SWT1: variants seen among roughly 807,000 people sequenced by gnomAD.
SWT1 encodes the protein transcriptional protein SWT1.
SWT1 carries 33 observed loss-of-function variants against 107.3 expected under a neutral mutation model. The ratio of observed to expected loss-of-function variants is 0.31; its 90% CI spans 0.23 to 0.41. The LOEUF (loss-of-function observed/expected upper bound fraction) is 0.41. SWT1 is among the 10% of genes least tolerant of loss of function. The pLI, the probability that SWT1 is intolerant of heterozygous loss-of-function variation, is 1.00. For missense variants in SWT1, 898 were observed against 1,028.9 expected (o/e 0.87, Z 1.74); for synonymous variants, 345 against 348.3 (o/e 0.99, Z 0.11).
chr1:185,230,931 T>G (rs373467493), intron 15 of SWT1, among the ~76,000 whole-genome samples: 1 of 152,112 alleles, frequency 6.6e-6, no homozygotes, highest in Non-Finnish European at 1.5e-5. Context: ...ATTTTTTTTC[T>G]AGAGACAAGG....
intron 15 of SWT1, chr1:185,227,527 C>A (rs181054111): frequency 4.7e-5 from 25 of 535,002 alleles, no homozygotes; most frequent in African/African-American, 3.8e-4. Context: ...AATGATATCT[C>A]TGTTTGTTAC....
intron 16 of SWT1, among the ~76,000 whole-genome samples, chr1:185,268,781 T>C (rs545392190): frequency 7.2e-5 from 11 of 152,178 alleles, no homozygotes; most frequent in Non-Finnish European, 1.6e-4. Context: ...GTTCAGATTA[T>C]TTCTAAAGCC....
intron 16 of SWT1, among the ~76,000 whole-genome samples, chr1:185,241,964 GTCTCT>G (rs900026592): frequency 1.2e-4 from 18 of 152,084 alleles, no homozygotes; most frequent in Non-Finnish European, 5.9e-5. Flanking sequence ...TCACCCAAAT[GTCTCT>G]TCGGGTTACA....
intron 18 of SWT1, among the ~76,000 whole-genome samples, chr1:185,284,128 T>C (rs1398226505): frequency 6.6e-6 from 1 of 152,212 alleles, no homozygotes; most frequent in Non-Finnish European, 1.5e-5. Context: ...TTTTTTGGTT[T>C]TGGTTAGTTA....
In SWT1 at chr1:185,290,686, C is replaced by G. The variant is rs776093566; in HGVS notation, c.2586C>G (p.Thr862=). The G allele has an allele frequency of 7.6e-6, 12 of 1,572,136 alleles. No homozygotes were observed. The South Asian group carries it at 1.4e-4, about 19-fold the overall frequency. The change falls in exon 19 of 19, where the codon ACC becomes ACG. Residue 862 remains threonine (T), a synonymous_variant. Transcript: ENST00000367500. The part of the protein sequence containing the change: ...VSQTEYREKL[T]IGCRQLVEME... The stretch of plus-strand genomic sequence containing the variant: ...CTTTTTCTCCTAGGGAAAAGTTAAC[C>G]ATTGGATGCCGCCAGCTGGTTGAGA...
intron 13 of SWT1, among the ~76,000 whole-genome samples, chr1:185,211,708 A>G (rs1051979648): frequency 2.6e-5 from 4 of 152,230 alleles, no homozygotes; most frequent in African/African-American, 4.8e-5. Flanking sequence ...ATTACTGGGT[A>G]TATAACCAAA....
chr1:185,239,403 C>G (rs1661107765), intron 16 of SWT1, among the ~76,000 whole-genome samples: 1 of 152,104 alleles, frequency 6.6e-6, no homozygotes, highest in South Asian at 2.1e-4. Flanking sequence ...TAAGAAAACT[C>G]TAAACATGAT....
At chr1:185,257,785 C>T (rs150346575) in intron 16 of SWT1, 7,416 of 152,530 alleles carry the variant, frequency 0.049, 590 homozygotes, top group African/African-American at 0.17. Context: ...TGTTCCTATT[C>T]GGCCATCTTG....
chr1:185,291,766 G>A lies in SWT1; in HGVS notation c.*963G>A, dbSNP rs1486325130. The A allele has an allele frequency of 6.6e-6, 1 of 152,454 alleles. No homozygotes were observed. The highest frequency in any genetic ancestry group is 1.5e-5 in the Non-Finnish European group (1 of 68,012). The allele number at this position is 152,454 out of a possible 1,614,324, so 9.4% of individuals were successfully genotyped here. A position where few individuals can be genotyped will look rare whatever the true frequency, so the allele number is the denominator to read the frequency against. ...ATAAAAGTGACTGTCTGCAATAAAA[G>A]AGAACTTGTTCAGGATATTCACTAG... On this transcript the variant is annotated 3_prime_UTR_variant, in exon 19 of 19. Transcript: ENST00000367500.
At chr1:185,163,154 G>A (rs1006290333) in intron 2 of SWT1, among the ~76,000 whole-genome samples, 1 of 152,086 alleles carries the variant, frequency 6.6e-6, no homozygotes, top group African/African-American at 2.4e-5. Context: ...AATGAAGTTT[G>A]CCACATTGAC....
At chr1:185,280,994 A>G in intron 18 of SWT1, 2 of 390,242 alleles carry the variant, frequency 5.1e-6, no homozygotes, top group South Asian at 4.4e-5. Flanking sequence ...TGATATGTCC[A>G]AGAGTTTTCA....
intron 16 of SWT1, among the ~76,000 whole-genome samples, chr1:185,244,711 T>C (rs1401775505): frequency 6.6e-6 from 1 of 152,232 alleles, no homozygotes; most frequent in Non-Finnish European, 1.5e-5. Flanking sequence ...AACCTTAGGT[T>C]GTTATAACTT....
At chr1:185,266,280 G>T (rs562215151) in intron 16 of SWT1, among the ~76,000 whole-genome samples, 52 of 152,264 alleles carry the variant, frequency 3.4e-4, no homozygotes, top group Non-Finnish European at 6.0e-4. Flanking sequence ...TAGCCAGGAT[G>T]GTCTCGATCT....
chr1:185,264,831 A>G (rs1663260877), intron 16 of SWT1, among the ~76,000 whole-genome samples: 1 of 152,150 alleles, frequency 6.6e-6, no homozygotes, highest in Non-Finnish European at 1.5e-5. Flanking sequence ...TATGGTGTAG[A>G]TTGTGTTTTA....
In SWT1 at chr1:185,242,514, A is replaced by G. The variant is rs182042601; in HGVS notation, c.2441+10806A>G. ...TTTAAGGTAACCTCCGCTGATACTT[A>G]TATCAGCGGAGAAATGCCGCAGTTA... On this transcript the variant is annotated intron_variant, in intron 16 of 18. Transcript: ENST00000367500. Among the ~76,000 whole-genome samples, 14 of 152,254 alleles carry G rather than the reference A, an allele frequency of 9.2e-5. 1 individual carries two copies. The highest frequency in any genetic ancestry group is 3.4e-4 in the African/African-American group (14 of 41,556).
intron 15 of SWT1, chr1:185,226,932 G>T: frequency 1.8e-6 from 2 of 1,081,116 alleles, no homozygotes; most frequent in Non-Finnish European, 2.7e-6. Flanking sequence ...TTTCTGCGGC[G>T]TCTTTTCATA....
At chr1:185,199,128 G>A (rs78679493) in intron 10 of SWT1, among the ~76,000 whole-genome samples, 2,524 of 151,934 alleles carry the variant, frequency 0.017, 60 homozygotes, top group African/African-American at 0.058. Context: ...AGTAGAGACG[G>A]TATTTCACCA....
chr1:185,270,300 T>TC (rs1260700428), intron 16 of SWT1, among the ~76,000 whole-genome samples: 3 of 115,794 alleles, frequency 2.6e-5, no homozygotes, highest in Non-Finnish European at 5.2e-5. Context: ...TTTTTTTTTT[T>TC]TTCCAAAAGA....
At chr1:185,250,642 T>A (rs1380198009) in intron 16 of SWT1, among the ~76,000 whole-genome samples, 2 of 152,186 alleles carry the variant, frequency 1.3e-5, no homozygotes, top group African/African-American at 2.4e-5. Context: ...ACTCATAATT[T>A]ATTTAATTTA....
Sources: gnomAD v4.1 joint callset for allele counts (sites outside exome capture counted in the v4.1 genomes callset) on GRCh38, gnomAD v4.1.1 for gene constraint, MANE v1.5 for transcripts, NCBI Gene and HGNC (gene_info 2026-07-23, HGNC 2026-07-21) for gene names.